The following TENM2 variants were observed in gnomAD, a reference collection of about 807,000 sequenced individuals.
TENM2 encodes the protein teneurin-2.
In TENM2, 52 loss-of-function variants were observed where a neutral mutation model predicts 245.2. The ratio of observed to expected loss-of-function variants is 0.21; its 90% CI spans 0.17 to 0.27. The LOEUF is 0.27. TENM2 is among the 10% of genes least tolerant of loss of function. The pLI, the probability that TENM2 is intolerant of heterozygous loss-of-function variation, is 1.00. For missense variants in TENM2, 3,046 were observed against 3,666.8 expected, an observed-to-expected ratio of 0.83 and a Z score of 4.37; for synonymous variants, 1,363 against 1,438.9, an observed-to-expected ratio of 0.95 and a Z score of 1.19.
At chr5:167,960,071 C>T (rs570702674) in intron 4 of TENM2, among the ~76,000 whole-genome samples, 157 of 152,342 alleles carry the variant, frequency 1.0e-3, no homozygotes, top group African/African-American at 3.5e-3. Context: ...CTGGAAGCTT[C>T]GCCCAGAGGG....
At chr5:166,997,095 A>G in the TENM2 span, among the ~76,000 whole-genome samples, 1 of 152,206 alleles carries the variant, frequency 6.6e-6, no homozygotes, top group Non-Finnish European at 1.5e-5. Context: ...CATGTGTGTA[A>G]TACTATGATA....
intron 5 of TENM2, among the ~76,000 whole-genome samples, chr5:167,996,214 A>G (rs1784037633): frequency 6.6e-6 from 1 of 152,142 alleles, no homozygotes; most frequent in African/African-American, 2.4e-5. Flanking sequence ...TAAAAGCAGA[A>G]TGCCAGCCCT....
At chr5:167,632,778 A>G (rs150029905) in intron 2 of TENM2, among the ~76,000 whole-genome samples, 1 of 152,276 alleles carries the variant, frequency 6.6e-6, no homozygotes, top group African/African-American at 2.4e-5. Flanking sequence ...TTTTTATTCA[A>G]CATATCTTAA....
chr5:167,091,969 A>T, the TENM2 span, among the ~76,000 whole-genome samples: 12 of 152,106 alleles, frequency 7.9e-5, no homozygotes, highest in South Asian at 2.1e-4. Flanking sequence ...ATTTTACCAT[A>T]TTGTCTATCG....
chr5:167,529,187 T>G (rs1223734058), intron 2 of TENM2, among the ~76,000 whole-genome samples: 1 of 152,170 alleles, frequency 6.6e-6, no homozygotes, highest in African/African-American at 2.4e-5. Context: ...GTATTTTTTT[T>G]TCAATTTTAT....
chr5:167,522,870 T>C (rs1172447764), intron 2 of TENM2, among the ~76,000 whole-genome samples: 2 of 152,076 alleles, frequency 1.3e-5, no homozygotes, highest in African/African-American at 4.8e-5. Context: ...GTGTTAGTAT[T>C]ATGTGACTAT....
At chr5:167,856,061 C>T (rs1046692666) in intron 2 of TENM2, among the ~76,000 whole-genome samples, 3 of 152,196 alleles carry the variant, frequency 2.0e-5, no homozygotes, top group Non-Finnish European at 4.4e-5. Flanking sequence ...ATCTTCCACA[C>T]AGTCACTTAT....
chr5:167,573,699 C>T (rs1159206465), intron 2 of TENM2, among the ~76,000 whole-genome samples: 7 of 152,124 alleles, frequency 4.6e-5, no homozygotes, highest in African/African-American at 1.4e-4. Context: ...CAGCAGCAGC[C>T]TCTCCTGCGA....
At chr5:168,153,368 A>T (rs571611232) in intron 12 of TENM2, among the ~76,000 whole-genome samples, 1 of 152,230 alleles carries the variant, frequency 6.6e-6, no homozygotes, top group Non-Finnish European at 1.5e-5. Flanking sequence ...CAAAGGGTTC[A>T]TTAGAATTAT....
the TENM2 span, among the ~76,000 whole-genome samples, chr5:167,199,042 T>A: frequency 6.8e-6 from 1 of 146,924 alleles, no homozygotes; most frequent in East Asian, 2.0e-4. Context: ...GTCAAAACCC[T>A]TCCATTCCCA....
chr5:167,921,822 A>C (rs1438794754), intron 3 of TENM2, among the ~76,000 whole-genome samples: 1 of 152,210 alleles, frequency 6.6e-6, no homozygotes. Flanking sequence ...TGACCTCATG[A>C]AATCTTCATG....
intron 1 of TENM2, among the ~76,000 whole-genome samples, chr5:167,301,837 G>A (rs1240128338): frequency 6.6e-6 from 1 of 152,154 alleles, no homozygotes; most frequent in African/African-American, 2.4e-5. Context: ...TGCTGGGCAG[G>A]TGGGGGAGGG....
At chr5:168,191,444 G>A (rs764440745) in intron 14 of TENM2, among the ~76,000 whole-genome samples, 1 of 152,046 alleles carries the variant, frequency 6.6e-6, no homozygotes, top group Non-Finnish European at 1.5e-5. Flanking sequence ...AGATGTCGAT[G>A]GTGTATGCTG....
At chr5:167,480,413 TAAG>T (rs1390075652) in intron 2 of TENM2, among the ~76,000 whole-genome samples, 1 of 152,198 alleles carries the variant, frequency 6.6e-6, no homozygotes, top group African/African-American at 2.4e-5. Flanking sequence ...TTCCATCTCA[TAAG>T]GAGGTGAGCA....
At chr5:167,706,374 T>G (rs1758524661) in intron 2 of TENM2, among the ~76,000 whole-genome samples, 2 of 148,366 alleles carry the variant, frequency 1.3e-5, no homozygotes, top group South Asian at 4.2e-4. Context: ...ATACAGTATA[T>G]ATAAGAAAAT....
intron 12 of TENM2, among the ~76,000 whole-genome samples, chr5:168,142,948 T>C (rs528295058): frequency 3.7e-4 from 56 of 152,306 alleles, no homozygotes; most frequent in African/African-American, 1.3e-3. Context: ...TCATTTAAGA[T>C]AGAGAAAATG....
intron 5 of TENM2, among the ~76,000 whole-genome samples, chr5:168,022,708 T>G (rs1164638950): frequency 2.0e-5 from 3 of 152,216 alleles, no homozygotes; most frequent in Non-Finnish European, 4.4e-5. Flanking sequence ...AAACTCAGCT[T>G]AGTTATACAA....
chr5:167,971,382 G>A (rs71603845), intron 4 of TENM2, among the ~76,000 whole-genome samples: 33,399 of 123,262 alleles, frequency 0.27, 4,153 homozygotes, highest in East Asian at 0.52. Flanking sequence ...AGGAGTCAAG[G>A]TCAACATGAA....
the TENM2 span, among the ~76,000 whole-genome samples, chr5:167,077,055 A>G: frequency 1.3e-5 from 2 of 152,132 alleles, no homozygotes; most frequent in Admixed American, 6.6e-5. Context: ...CGAACTCCTG[A>G]CCTCAAGTGA....
Sources: allele counts gnomAD v4.1 joint callset (sites outside exome capture counted in the v4.1 genomes callset), GRCh38; gene constraint gnomAD v4.1.1; transcripts MANE v1.5; gene names NCBI Gene and HGNC (gene_info 2026-07-23, HGNC 2026-07-21).